SPTBN5: variants seen among roughly 807,000 people sequenced by gnomAD.
SPTBN5 encodes spectrin beta, non-erythrocytic 5, also known as spectrin beta chain, non-erythrocytic 5.
A neutral mutation model predicts 477.6 loss-of-function variants in SPTBN5; 513 were observed. The ratio of observed to expected loss-of-function variants is 1.07; its 90% CI spans 1.00 to 1.16. SPTBN5 has a LOEUF of 1.16. Among genes scored for constraint, SPTBN5 ranks in the 50% most tolerant of loss-of-function variants. The pLI is 0.00. For missense variants in SPTBN5, 5,062 were observed against 4,731.8 expected (o/e 1.07, Z -2.05); for synonymous variants, 2,169 against 2,011.7 (o/e 1.08, Z -2.09).
intron 57 of SPTBN5, 85 bp downstream of exon 57, chr15:41,853,964 TG>T: frequency 1.4e-6 from 2 of 1,474,692 alleles, no homozygotes; most frequent in Admixed American, 2.2e-5. Flanking sequence ...TGAAGCAGGC[TG>T]GGGTGGGAGG....
At position 41,851,126 on chromosome 15, in the gene SPTBN5, C is replaced by A; in HGVS notation, c.10768G>T (p.Asp3590Tyr). 1 of 1,613,270 alleles carries A rather than the reference C, an allele frequency of 6.2e-7. No individual in the cohort carries two copies. Among genetic ancestry groups the A allele is most frequent in the African/African-American group, 1.3e-5 (1 of 75,058 alleles). Residue 3590 changes from aspartate (D) to tyrosine (Y), a missense_variant, in exon 65 of 68, where the codon GAC becomes TAC. Coordinates refer to ENST00000320955, the MANE Select transcript of SPTBN5 (RefSeq NM_016642.4). ...AEKVASIALL[D>Y]LTGARCERLR... Reference sequence around the variant, plus strand: ...CTCTCACACCGGGCTCCCGTGAGGTCAAGGAGGGCTATGGAAGCTACTTTC... The same window carrying A: ...CTCTCACACCGGGCTCCCGTGAGGTAAAGGAGGGCTATGGAAGCTACTTTC...
In SPTBN5 at chr15:41,880,227, T is replaced by C; in HGVS notation, c.2744A>G (p.Gln915Arg). 6.2e-7 allele frequency: 1 copy of C among 1,603,016 alleles called. No homozygotes were observed. The highest frequency in any genetic ancestry group is 8.5e-7 in the Non-Finnish European group (1 of 1,175,784). ...CGELQLWLEK[Q>R]TVLLQRVQPQ... is the part of the protein sequence containing the mutation. ...CTGCACCCTTTGGAGCAGCACTGTC[T>C]GCTTCTCCAGCCACAACTGGAGCTC... The change falls in exon 14 of 68, where the codon CAG (glutamine) becomes CGG (arginine). Residue 915 changes from glutamine to arginine, a missense_variant. Coordinates refer to ENST00000320955, the MANE Select transcript of SPTBN5 (RefSeq NM_016642.4).
rs758286600 is a variant in SPTBN5 at position 41,861,904 on chromosome 15, G to C, written c.7568C>G (p.Thr2523Arg). ...QECKAELDSW[T>R]DSISLARSTG... ...GCTTCGGGCCAGGCTGATGCTGTCT[G>C]TCCAGGAGTCCAGCTCGGCCTGGAA... Residue 2523 changes from threonine to arginine, a missense_variant, in exon 45 of 68, where the codon ACA (threonine) becomes AGA (arginine). By Grantham distance (71) the Thr-to-Arg change is moderately conservative. Transcript: ENST00000320955. 1.9e-6 allele frequency: 3 copies of C among 1,604,564 alleles called. No homozygotes were observed. In the Admixed American group the frequency reaches 5.0e-5, roughly 27 times the overall value.
intron 14 of SPTBN5, 83 bp downstream of exon 14, chr15:41,880,077 A>C: frequency 6.7e-7 from 1 of 1,488,120 alleles, no homozygotes; most frequent in African/African-American, 1.4e-5. Context: ...ACGGTAGTTA[A>C]ATTGGAAAAC....
At chr15:41,865,680 C>T in intron 39 of SPTBN5, 128 bp downstream of exon 39, 5 of 831,086 alleles carry the variant, frequency 6.0e-6, no homozygotes, top group African/African-American at 1.7e-5. Flanking sequence ...AGGGAGCCTG[C>T]CCGAGGGCAT....
In SPTBN5 at chr15:41,862,132, T is replaced by G. The variant is rs2066131406; in HGVS notation, c.7546A>C (p.Lys2516Gln). 5.1e-6 allele frequency: 8 copies of G among 1,570,686 alleles called. No individual in the cohort carries two copies. Among genetic ancestry groups the G allele is most frequent in the Non-Finnish European group, 6.9e-6 (8 of 1,154,720 alleles). Reference sequence around the variant, plus strand: ...GCTTGGGCCAGCTGCCCATTCACCTTGCACTCCTGATGCTCTTCTAACATA... The same window carrying G: ...GCTTGGGCCAGCTGCCCATTCACCTGGCACTCCTGATGCTCTTCTAACATA... ...RRMLEEHQEC[K>Q]AELDSWTDSI... Residue 2516 changes from lysine (K) to glutamine (Q), a missense_variant and splice_region_variant, in exon 44 of 68, where the codon AAG becomes CAG. Coordinates refer to ENST00000320955, the MANE Select transcript of SPTBN5 (RefSeq NM_016642.4).
intron 53 of SPTBN5, 77 bp downstream of exon 53, chr15:41,856,309 C>T (rs1458035519): frequency 2.3e-6 from 3 of 1,331,742 alleles, no homozygotes; most frequent in Non-Finnish European, 3.0e-6. Context: ...AGGCCAGGAG[C>T]CCCGGAGTGA....
At position 41,865,793 on chromosome 15, in the gene SPTBN5, G is replaced by GC; in HGVS notation, c.6918+14dup. 1 of 1,550,942 alleles carries GC rather than the reference G, an allele frequency of 6.4e-7. No individual in the cohort carries two copies. Among genetic ancestry groups the GC allele is most frequent in the Non-Finnish European group, 8.7e-7 (1 of 1,147,284 alleles). ...GGGATGCATGGCCAACCTCTACCCA[G>GC]CAAGGCCCTCTTACCCCGGCCGAGT... On this transcript the variant is annotated intron_variant, in intron 39 of 67. Transcript: ENST00000320955.
rs1284899468 is a variant in SPTBN5 at position 41,871,567 on chromosome 15, C to T, written c.5302-47G>A. On this transcript the variant is annotated intron_variant, in intron 28 of 67. Coordinates refer to ENST00000320955, the MANE Select transcript of SPTBN5 (RefSeq NM_016642.4). ...ACAGGGTAGCCCCCAGCTGGTTAGG[C>T]GTCAAGCAGCCTGGGAATCGAGGCA... 4 of 1,414,780 alleles carry T rather than the reference C, an allele frequency of 2.8e-6. No homozygotes were observed. The Admixed American group carries it at 1.2e-4, about 44-fold the overall frequency. 87.6% of individuals were successfully genotyped at this position (1,414,780 alleles called of 1,614,324 possible).
Position 41,893,539 on chromosome 15 carries a change from C to G in SPTBN5, c.-42G>C. 1.3e-6 allele frequency: 2 copies of G among 1,537,002 alleles called. No individual in the cohort carries two copies. Among genetic ancestry groups the G allele is most frequent in the Non-Finnish European group, 1.7e-6 (2 of 1,147,062 alleles). Reference sequence around the variant, plus strand: ...GGGGATGAGGAGCTGCTGGATGGCTCCCTAAACCTGGAGGGCATGCAGATT... The same window carrying G: ...GGGGATGAGGAGCTGCTGGATGGCTGCCTAAACCTGGAGGGCATGCAGATT... On this transcript the variant is annotated 5_prime_UTR_variant, in exon 2 of 68. Coordinates refer to ENST00000320955, the MANE Select transcript of SPTBN5 (RefSeq NM_016642.4).
intron 60 of SPTBN5, 36 bp from the exon 61 acceptor site, chr15:41,852,771 G>GT (rs747784330): frequency 1.3e-6 from 2 of 1,570,180 alleles, no homozygotes; most frequent in East Asian, 2.2e-5. Context: ...GCCCAGCTTG[G>GT]GGGGGGGGGC....
At chr15:41,863,240 G>A (rs891360265) in intron 41 of SPTBN5, among the ~76,000 whole-genome samples, 1 of 152,228 alleles carries the variant, frequency 6.6e-6, no homozygotes, top group African/African-American at 2.4e-5. Context: ...GCCAGCGGAG[G>A]AAACAGCCAG....
intron 45 of SPTBN5, 60 bp from the exon 46 acceptor site, chr15:41,861,556 G>A (rs2066108830): frequency 1.3e-6 from 2 of 1,574,032 alleles, no homozygotes; most frequent in East Asian, 2.2e-5. Flanking sequence ...TGCAGTTGGA[G>A]TGACTGTTCC....
At chr15:41,848,684 A>G (rs1362676659) in intron 67 of SPTBN5, 56 bp from the exon 68 acceptor site, 7 of 1,600,292 alleles carry the variant, frequency 4.4e-6, no homozygotes, top group Middle Eastern at 1.7e-4. Context: ...AATCTTCTCC[A>G]AACAAACACA....
In SPTBN5 at chr15:41,879,171, A is replaced by T. The variant is rs1567221298; in HGVS notation, c.3182+89T>A. ...CTCCTACCTGTTGTCTCCCCATCCCAATTTCTGTCCCTTCCTCATTCCACT... is the reference window on the plus strand; with the variant it reads ...CTCCTACCTGTTGTCTCCCCATCCCTATTTCTGTCCCTTCCTCATTCCACT... On this transcript the variant is annotated intron_variant, in intron 16 of 67. Transcript: ENST00000320955. 2.7e-6 allele frequency: 4 copies of T among 1,482,276 alleles called. No individual in the cohort carries two copies. In the East Asian group the frequency reaches 9.4e-5, roughly 35 times the overall value. 91.8% of individuals were successfully genotyped at this position (1,482,276 alleles called of 1,614,324 possible). A position where few individuals can be genotyped will look rare whatever the true frequency, so the allele number is the denominator to read the frequency against.
Position 41,882,758 on chromosome 15 carries a change from A to T in SPTBN5, c.1893-20T>A. 6.2e-7 allele frequency: 1 copy of T among 1,603,124 alleles called. No homozygotes were observed. Among genetic ancestry groups the T allele is most frequent in the Non-Finnish European group, 8.5e-7 (1 of 1,174,534 alleles). On this transcript the variant is annotated intron_variant, in intron 9 of 67. Transcript: ENST00000320955. Reference sequence around the variant, plus strand: ...GCCCGCCTGAGGGACAATAGGGGCCACCGAAGGACATGGGGAGTCGTGAGG... The same window carrying T: ...GCCCGCCTGAGGGACAATAGGGGCCTCCGAAGGACATGGGGAGTCGTGAGG...
In SPTBN5 at chr15:41,882,643, C is replaced by G. The variant is rs374812160; in HGVS notation, c.1988G>C (p.Gly663Ala). Residue 663 changes from glycine (G) to alanine (A), a missense_variant, in exon 10 of 68, where the codon GGG becomes GCG. Transcript: ENST00000320955. ...GAGATCCCGGCCCAGGGCCGCATTCCCCACCCGCTGTCCGCACTCCTTCAG... is the reference window on the plus strand; with the variant it reads ...GAGATCCCGGCCCAGGGCCGCATTCGCCACCCGCTGTCCGCACTCCTTCAG... Reference protein sequence around the residue: ...AWLKECGQRVGNAALGRDLSQ... With the variant: ...AWLKECGQRVANAALGRDLSQ... The G allele has an allele frequency of 6.2e-7, 1 of 1,607,818 alleles. No homozygotes were observed. Among genetic ancestry groups the G allele is most frequent in the South Asian group, 1.1e-5 (1 of 89,704 alleles).
chr15:41,873,699 A>G (rs2066618424), intron 25 of SPTBN5, 91 bp from the exon 26 acceptor site: 2 of 1,454,950 alleles, frequency 1.4e-6, no homozygotes, highest in Non-Finnish European at 1.9e-6. Context: ...CCAGCATCAA[A>G]GGGGCTTCTG....
Position 41,857,691 on chromosome 15 carries a change from T to A in SPTBN5, c.8246A>T (p.Gln2749Leu), listed in dbSNP as rs1441894795. The part of the protein sequence containing the change: ...ELQREGQRLL[Q>L]GGHPASEAIQ... Reference sequence around the variant, plus strand: ...GGCCTCCGAGGCTGGGTGGCCCCCCTGCAGCAGCCTCTGTCCCTCCTGCAG... The same window carrying A: ...GGCCTCCGAGGCTGGGTGGCCCCCCAGCAGCAGCCTCTGTCCCTCCTGCAG... Residue 2749 changes from glutamine to leucine, a missense_variant, in exon 50 of 68, where the codon CAG (glutamine) becomes CTG (leucine). Gln to Leu is a moderately radical substitution (Grantham distance 113, BLOSUM62 -2). Coordinates refer to ENST00000320955, the MANE Select transcript of SPTBN5 (RefSeq NM_016642.4). The A allele has an allele frequency of 6.3e-7, 1 of 1,578,342 alleles. No individual in the cohort carries two copies. Among genetic ancestry groups the A allele is most frequent in the Non-Finnish European group, 8.6e-7 (1 of 1,163,772 alleles).
Sources: gnomAD v4.1 joint callset for allele counts (sites outside exome capture counted in the v4.1 genomes callset) on GRCh38, gnomAD v4.1.1 for gene constraint, MANE v1.5 for transcripts, NCBI Gene and HGNC (gene_info 2026-07-23, HGNC 2026-07-21) for gene names.